Variants in C16orf89 observed in about 807,000 individuals in gnomAD.
C16orf89 encodes the protein UPF0764 protein C16orf89.
Under a neutral mutation model 41.5 loss-of-function variants are expected in C16orf89, and 57 were observed. The observed-to-expected ratio is 1.38, with a 90% confidence interval of 1.11 to 1.71. C16orf89 has a LOEUF of 1.71. Among genes scored for constraint, C16orf89 ranks in the 40% most tolerant of loss-of-function variants. The pLI, the probability that C16orf89 is intolerant of heterozygous loss-of-function variation, is 0.00. For missense variants in C16orf89, 575 were observed against 445.9 expected (o/e 1.29, Z -2.61); for synonymous variants, 223 against 190.6 (o/e 1.17, Z -1.40).
At chr16:5,058,385 G>T in intron 4 of C16orf89, 108 bp downstream of exon 4, 2 of 922,764 alleles carry the variant, frequency 2.2e-6, no homozygotes, top group Non-Finnish European at 3.3e-6. Context: ...TGCCTGCCTT[G>T]GCCTCCCAAA....
chr16:5,061,026 C>G (rs1956609112), intron 2 of C16orf89, among the ~76,000 whole-genome samples: 2 of 146,862 alleles, frequency 1.4e-5, no homozygotes, highest in South Asian at 4.3e-4. Flanking sequence ...TTTCGGAAGC[C>G]AAGGCGGGCG....
At chr16:5,059,341 C>G (rs1190234383) in intron 3 of C16orf89, among the ~76,000 whole-genome samples, 1 of 152,042 alleles carries the variant, frequency 6.6e-6, no homozygotes, top group Admixed American at 6.5e-5. Context: ...TGGCGCACAT[C>G]TGTAATCCCA....
intron 3 of C16orf89, among the ~76,000 whole-genome samples, chr16:5,058,822 G>A (rs1956561405): frequency 6.6e-6 from 1 of 152,066 alleles, no homozygotes; most frequent in Non-Finnish European, 1.5e-5. Context: ...AGCTATTCTG[G>A]GGTTGAGGAA....
At chr16:5,057,234 C>G (rs1023017763) in intron 4 of C16orf89, among the ~76,000 whole-genome samples, 2 of 131,868 alleles carry the variant, frequency 1.5e-5, no homozygotes, top group African/African-American at 5.8e-5. Context: ...GAGACTCCAT[C>G]TCAAAAAAAA....
At chr16:5,049,968 A>G (rs921236636) in intron 6 of C16orf89, among the ~76,000 whole-genome samples, 1 of 152,170 alleles carries the variant, frequency 6.6e-6, no homozygotes, top group Non-Finnish European at 1.5e-5. Context: ...AAAAAAAGAG[A>G]AAAGACTCAA....
chr16:5,043,770 A>C (rs1956242608), downstream of C16orf89: 1 of 152,426 alleles, frequency 6.6e-6, no homozygotes, highest in Non-Finnish European at 1.5e-5. Context: ...CTGTAATCCC[A>C]GCACTTTGGG....
chr16:5,061,032 G>A (rs1286000123), intron 2 of C16orf89, among the ~76,000 whole-genome samples: 12 of 150,284 alleles, frequency 8.0e-5, no homozygotes, highest in Admixed American at 6.7e-4. Context: ...AAGCCAAGGC[G>A]GGCGAATCAC....
At chr16:5,048,804 CA>C (rs1956348851) in intron 6 of C16orf89, among the ~76,000 whole-genome samples, 1 of 151,918 alleles carries the variant, frequency 6.6e-6, no homozygotes, top group Non-Finnish European at 1.5e-5. Flanking sequence ...AAAAAAAAAT[CA>C]AAGGATATAG....
intron 7 of C16orf89, among the ~76,000 whole-genome samples, chr16:5,045,152 C>G (rs1179890148): frequency 6.6e-6 from 1 of 152,236 alleles, no homozygotes; most frequent in Non-Finnish European, 1.5e-5. Flanking sequence ...GCTTAGCCTG[C>G]TTCCCTGACT....
At chr16:5,045,921 T>C (rs924979088) in intron 7 of C16orf89, among the ~76,000 whole-genome samples, 1 of 152,172 alleles carries the variant, frequency 6.6e-6, no homozygotes, top group Non-Finnish European at 1.5e-5. Flanking sequence ...AGGAAAGGCC[T>C]TGGGCTCTGG....
intron 3 of C16orf89, 25 bp downstream of exon 3, chr16:5,060,261 C>T (rs752288532): frequency 3.2e-6 from 5 of 1,581,556 alleles, no homozygotes; most frequent in Non-Finnish European, 4.3e-6. Context: ...GGGTTTCCAG[C>T]AAATAGGGCA....
In C16orf89 at chr16:5,060,368, A is replaced by G; in HGVS notation, c.427T>C (p.Leu143=). ...TGGGGCCCGAACGTGGGGTACACCAAGGAGGCATCAGTGTGGATCCAGGCA... is the reference window on the plus strand; with the variant it reads ...TGGGGCCCGAACGTGGGGTACACCAGGGAGGCATCAGTGTGGATCCAGGCA... ...PHAWIHTDAS[L]VYPTFGPQDS... is the part of the protein sequence containing the mutation. The change falls in exon 3 of 8, where the codon TTG becomes CTG. Residue 143 remains leucine, a synonymous_variant. Transcript: ENST00000472572. 2 of 1,613,644 alleles carry G rather than the reference A, an allele frequency of 1.2e-6. No homozygotes were observed. Among genetic ancestry groups the G allele is most frequent in the Non-Finnish European group, 1.7e-6 (2 of 1,179,842 alleles).
chr16:5,053,084 A>G (rs983397764), intron 6 of C16orf89, among the ~76,000 whole-genome samples: 2 of 152,214 alleles, frequency 1.3e-5, no homozygotes, highest in African/African-American at 4.8e-5. Flanking sequence ...TTGATCTCAT[A>G]GAAGTGCAGT....
chr16:5,059,217 C>G (rs1178266640), intron 3 of C16orf89, among the ~76,000 whole-genome samples: 2 of 151,932 alleles, frequency 1.3e-5, no homozygotes, highest in Non-Finnish European at 2.9e-5. Context: ...CATCACTGCA[C>G]TCCAGCCTGG....
chr16:5,065,283 G>C (rs1409587197), intron 1 of C16orf89, among the ~76,000 whole-genome samples: 1 of 152,162 alleles, frequency 6.6e-6, no homozygotes, highest in African/African-American at 2.4e-5. Flanking sequence ...GCTGCAAGTG[G>C]AGGAAGTGGG....
intron 6 of C16orf89, among the ~76,000 whole-genome samples, chr16:5,048,992 A>G (rs1411488831): frequency 6.6e-6 from 1 of 152,368 alleles, no homozygotes; most frequent in Non-Finnish European, 1.5e-5. Flanking sequence ...ACTGGTAAAG[A>G]CACATATGGA....
rs752362748 is a variant in C16orf89, at chr16:5,065,885, G to A, written c.24C>T (p.Leu8=). ...GTGGCAGTGCTGTCAGTAAGAGCAG[G>A]AGCAGCAGCCCCAGGCTGGCCATGG... is the stretch of plus-strand genomic sequence containing the variant. The part of the protein sequence containing the change: MASLGLL[L]LLLLTALPPL... The change falls in exon 1 of 8, where the codon CTC becomes CTT. Residue 8 remains leucine (L), a synonymous_variant. Coordinates refer to ENST00000472572, the MANE Select transcript of C16orf89 (RefSeq NM_001098514.3). 8 of 1,613,910 alleles carry A rather than the reference G, an allele frequency of 5.0e-6. No homozygotes were observed. The highest frequency in any genetic ancestry group is 2.2e-5 in the South Asian group (2 of 91,046).
At position 5,044,175 on chromosome 16, in the gene C16orf89, C is replaced by A; in HGVS notation, c.*173G>T. On this transcript the variant is annotated 3_prime_UTR_variant, in exon 8 of 8. Coordinates refer to ENST00000472572, the MANE Select transcript of C16orf89 (RefSeq NM_001098514.3). ...TTCACACCTGGGTCCCTCCCGGCCCCCACCTACCCTGGCCTTGCCTACTCA... is the reference window on the plus strand; with the variant it reads ...TTCACACCTGGGTCCCTCCCGGCCCACACCTACCCTGGCCTTGCCTACTCA... The A allele has an allele frequency of 7.3e-7, 1 of 1,370,856 alleles. No individual in the cohort carries two copies. Among genetic ancestry groups the A allele is most frequent in the Non-Finnish European group, 9.4e-7 (1 of 1,066,840 alleles). 84.9% of individuals were successfully genotyped at this position (1,370,856 alleles called of 1,614,324 possible).
In C16orf89 at chr16:5,057,138, T is replaced by A. The variant is rs181989281; in HGVS notation, c.628-950A>T. Among the ~76,000 whole-genome samples, 674 of 151,138 alleles carry A rather than the reference T, an allele frequency of 4.5e-3. 13 individuals are homozygous for A. The highest frequency in any genetic ancestry group is 0.016 in the African/African-American group (655 of 41,112). The stretch of plus-strand genomic sequence containing the variant: ...CTGTAATCCCAGCTACTTGGGAGGC[T>A]GAGGCAGAGAATTGCTTAAATCCGG... On this transcript the variant is annotated intron_variant, in intron 4 of 7. Transcript: ENST00000472572.
Sources: gnomAD v4.1 joint callset for allele counts (sites outside exome capture counted in the v4.1 genomes callset) on GRCh38, gnomAD v4.1.1 for gene constraint, MANE v1.5 for transcripts, NCBI Gene and HGNC (gene_info 2026-07-23, HGNC 2026-07-21) for gene names.